Variants in POLE observed in about 807,000 individuals in gnomAD.
POLE encodes DNA polymerase epsilon catalytic subunit A.
POLE carries 188 observed loss-of-function variants against 279.2 expected under a neutral mutation model. The ratio of observed to expected loss-of-function variants is 0.67; its 90% confidence interval spans 0.60 to 0.76. The LOEUF (loss-of-function observed/expected upper bound fraction) is 0.76, where lower values mean the gene tolerates loss of function less well. POLE is among the 30% of genes least tolerant of loss of function. POLE has a pLI of 0.00. For missense variants in POLE, 2,703 were observed against 3,016.7 expected, an observed-to-expected ratio of 0.90 and a Z score of 2.44; for synonymous variants, 1,214 against 1,172.5, an observed-to-expected ratio of 1.04 and a Z score of -0.72.
chr12:132,664,642 T>G lies in POLE; in HGVS notation c.2469-180A>C, dbSNP rs1206058394. 1.3e-5 allele frequency among the ~76,000 whole-genome samples: 2 copies of G among 152,200 alleles called. No individual in the cohort carries two copies. On this transcript the variant is annotated intron_variant, in intron 21 of 48. Transcript: ENST00000320574. The surrounding 1 kb of genome is among the most constrained non-coding windows in gnomAD (Gnocchi z 5.3). ...CTGGCTCTGCCCGAGGACACCTCTC[T>G]GTCCCCACCTTGGTGCCCAGGAAGG...
chr12:132,686,839 C>A (rs1234399111), intron 1 of POLE, among the ~76,000 whole-genome samples: 2 of 151,592 alleles, frequency 1.3e-5, no homozygotes, highest in African/African-American at 2.4e-5. Context: ...TCCCCCAGCG[C>A]TAGGCCCCCA....
Position 132,661,692 on chromosome 12 carries a change from A to G in POLE, c.2707-8T>C. ...GTCATTGGTGAAGCCTTCCTGAGAA[A>G]CAAGAGTGAAGAGGGGGCAGCTTCA... On this transcript the variant is annotated splice_region_variant and splice_polypyrimidine_tract_variant and intron_variant, in intron 23 of 48. Transcript: ENST00000320574. This position sits in a 1 kb window ranked among gnomAD's most constrained non-coding sequence, Gnocchi z 4.1. 6.2e-7 allele frequency: 1 copy of G among 1,613,624 alleles called. No individual in the cohort carries two copies. Among genetic ancestry groups the G allele is most frequent in the Non-Finnish European group, 8.5e-7 (1 of 1,179,784 alleles).
intron 9 of POLE, 37 bp from the exon 10 acceptor site, chr12:132,676,241 G>A: frequency 1.4e-6 from 2 of 1,438,918 alleles, no homozygotes; most frequent in Non-Finnish European, 2.0e-6. Flanking sequence ...CAAGTCAGAG[G>A]CTGCAAAGCC....
In POLE at chr12:132,659,471, G is replaced by A. The variant is rs1593772777; in HGVS notation, c.3099C>T (p.Ile1033=). 3 of 1,614,204 alleles carry A rather than the reference G, an allele frequency of 1.9e-6. No homozygotes were observed. Among genetic ancestry groups the A allele is most frequent in the Non-Finnish European group, 2.5e-6 (3 of 1,180,054 alleles). ...NMPDSELFEL[I]SENRSMSRKL... ...TCCGAGACATGGAACGGTTCTCAGA[G>A]ATGAGCTCGAATAGCTCAGAGTCAG... Residue 1033 remains isoleucine (I), a synonymous_variant, in exon 26 of 49, where the codon ATC becomes ATT. Transcript: ENST00000320574.
rs759376994 is a variant in POLE at position 132,642,737 on chromosome 12, A to G, written c.4729-8T>C. On this transcript the variant is annotated splice_polypyrimidine_tract_variant and splice_region_variant and intron_variant, in intron 36 of 48. Coordinates refer to ENST00000320574, the MANE Select transcript of POLE (RefSeq NM_006231.4). ...GGGCCCCCGGCGCTCCTCCTGGGTCAAGGCAAAATGGAAGAAAAGACCTGG... is the reference window on the plus strand; with the variant it reads ...GGGCCCCCGGCGCTCCTCCTGGGTCGAGGCAAAATGGAAGAAAAGACCTGG... 1 of 1,613,288 alleles carries G rather than the reference A, an allele frequency of 6.2e-7. No homozygotes were observed. Among genetic ancestry groups the G allele is most frequent in the Non-Finnish European group, 8.5e-7 (1 of 1,179,746 alleles).
chr12:132,687,133 C>A (rs2043292323), intron 1 of POLE, 121 bp downstream of exon 1: 2 of 517,894 alleles, frequency 3.9e-6, no homozygotes, highest in African/African-American at 2.0e-5. Context: ...CAGTCAGGCG[C>A]GGCGAGTGCG....
chr12:132,680,704 C>G lies in POLE; in HGVS notation c.205-17G>C. The G allele has an allele frequency of 1.9e-6, 3 of 1,594,254 alleles. No individual in the cohort carries two copies. The highest frequency in any genetic ancestry group is 2.2e-5 in the South Asian group (2 of 90,640). The stretch of plus-strand genomic sequence containing the variant: ...AATCTCGGTCTACAAGAGAATCAGT[C>G]AACACAGACACAAGACCATCCTCTA... On this transcript the variant is annotated splice_polypyrimidine_tract_variant and intron_variant, in intron 2 of 48. Coordinates refer to ENST00000320574, the MANE Select transcript of POLE (RefSeq NM_006231.4).
chr12:132,671,099 C>T (rs1347675101), intron 16 of POLE, among the ~76,000 whole-genome samples: 1 of 151,148 alleles, frequency 6.6e-6, no homozygotes, highest in African/African-American at 2.4e-5. Context: ...CTCATCTCTA[C>T]TAAAAATACA....
rs1434080143 is a variant in POLE at position 132,639,080 on chromosome 12, C to G, written c.5552+45G>C. 6.3e-7 allele frequency: 1 copy of G among 1,576,474 alleles called. No homozygotes were observed. The highest frequency in any genetic ancestry group is 1.3e-5 in the African/African-American group (1 of 74,272). ...TGGTTCTGGGGAGTAAGGGACCAGC[C>G]CAGCTGAGGACGCGGTGGACAGCCC... On this transcript the variant is annotated intron_variant, in intron 40 of 48. Coordinates refer to ENST00000320574, the MANE Select transcript of POLE (RefSeq NM_006231.4). This position sits in a 1 kb window ranked among gnomAD's most constrained non-coding sequence, Gnocchi z 4.7.
chr12:132,677,284 A>C, intron 8 of POLE, 79 bp downstream of exon 8: 1 of 980,932 alleles, frequency 1.0e-6, no homozygotes, highest in South Asian at 1.3e-5. Flanking sequence ...TTTGAGTCAG[A>C]TTCACTCTCC....
intron 39 of POLE, 172 bp downstream of exon 39, chr12:132,641,475 C>T: frequency 1.6e-6 from 1 of 625,846 alleles, no homozygotes; most frequent in African/African-American, 1.8e-5. Context: ...GCCGGACCCC[C>T]ACAGTGGTAA....
In POLE at chr12:132,624,656, G is replaced by A; in HGVS notation, c.*41C>T. The A allele has an allele frequency of 8.9e-7, 1 of 1,125,650 alleles. No individual in the cohort carries two copies. Among genetic ancestry groups the A allele is most frequent in the Non-Finnish European group, 1.4e-6 (1 of 735,532 alleles). The allele number at this position is 1,125,650 out of a possible 1,614,324, so 69.7% of individuals were successfully genotyped here. ...CGGGGATGTGGCCTTGGCATCAGGA[G>A]GCCTGGCACGGACGCAGAGGCACCC... On this transcript the variant is annotated 3_prime_UTR_variant, in exon 49 of 49. Transcript: ENST00000320574.
chr12:132,670,741 G>A (rs985048272), intron 16 of POLE, among the ~76,000 whole-genome samples: 6 of 151,858 alleles, frequency 4.0e-5, no homozygotes, highest in East Asian at 3.9e-4. Context: ...GATCCACCTC[G>A]GCCTCCCAAA....
In POLE at chr12:132,625,057, T is replaced by G. The variant is rs540578096; in HGVS notation, c.6658-63A>C. Reference sequence around the variant, plus strand: ...GCGCTGGCCAGACCTGCCTGCTGCTTCTTCACAGGCTCGCGAGACACATTC... The same window carrying G: ...GCGCTGGCCAGACCTGCCTGCTGCTGCTTCACAGGCTCGCGAGACACATTC... On this transcript the variant is annotated intron_variant, in intron 47 of 48. Coordinates refer to ENST00000320574, the MANE Select transcript of POLE (RefSeq NM_006231.4). 10 of 1,228,500 alleles carry G rather than the reference T, an allele frequency of 8.1e-6. No individual in the cohort carries two copies. The South Asian group carries it at 9.8e-5, about 12-fold the overall frequency. 76.1% of individuals were successfully genotyped at this position (1,228,500 alleles called of 1,614,324 possible).
rs1593084934 is a variant in POLE, at chr12:132,679,509, G to C, written c.566C>G (p.Ala189Gly). 2 of 1,611,342 alleles carry C rather than the reference G, an allele frequency of 1.2e-6. No homozygotes were observed. The highest frequency in any genetic ancestry group is 8.5e-7 in the Non-Finnish European group (1 of 1,177,746). ...GACCAAAGTTTACCTGGAAAGCAGA[G>C]CTGTGTACGCGTCGCTGGCGTGATC... ...EQDHASDAYT[A>G]LLSSVLQRGG... The change falls in exon 6 of 49, where the codon GCT (alanine) becomes GGT (glycine). Residue 189 changes from alanine to glycine, a missense_variant. By Grantham distance (60) the Ala-to-Gly change is moderately conservative. Around this residue, in one of 5 missense-constraint regions of POLE, gnomAD observed 1,011 missense variants for 1,111.7 expected, o/e 0.91. Coordinates refer to ENST00000320574, the MANE Select transcript of POLE (RefSeq NM_006231.4).
At chr12:132,680,568 A>C (rs776012002) in intron 3 of POLE, 39 bp downstream of exon 3, 3 of 1,508,732 alleles carry the variant, frequency 2.0e-6, no homozygotes, top group Admixed American at 1.7e-5. Context: ...ATGAACACCC[A>C]TAAAAGTGGG....
At position 132,632,497 on chromosome 12, in the gene POLE, A is replaced by G. The variant is rs1593708231; in HGVS notation, c.6148T>C (p.Phe2050Leu). The change falls in exon 45 of 49, where the codon TTC (phenylalanine) becomes CTC (leucine). Residue 2050 changes from phenylalanine (F) to leucine (L), a missense_variant. Physicochemically the swap from Phe to Leu is conservative, Grantham distance 22. This residue lies in a region of POLE where 1,551 missense variants were observed against 1,686.1 expected (regional missense o/e 0.92). Coordinates refer to ENST00000320574, the MANE Select transcript of POLE (RefSeq NM_006231.4). Reference sequence around the variant, plus strand: ...TCATTTGCGACATAATCCTGAGAGAAGGTGATCATTCCTGGAAGTATAAGG... The same window carrying G: ...TCATTTGCGACATAATCCTGAGAGAGGGTGATCATTCCTGGAAGTATAAGG... Reference protein sequence around the residue: ...AVGALPGMITFSQDYVANELT... With the variant: ...AVGALPGMITLSQDYVANELT... 1.9e-6 allele frequency: 3 copies of G among 1,614,074 alleles called. No individual in the cohort carries two copies. Among genetic ancestry groups the G allele is most frequent in the Non-Finnish European group, 1.7e-6 (2 of 1,179,910 alleles).
intron 34 of POLE, 23 bp from the exon 35 acceptor site, chr12:132,643,353 C>G (rs2138548348): frequency 6.2e-7 from 1 of 1,614,168 alleles, no homozygotes; most frequent in East Asian, 2.2e-5. Context: ...ACAAGACCGT[C>G]ACCCCAGATG....
intron 45 of POLE, among the ~76,000 whole-genome samples, chr12:132,626,803 G>C (rs953579442): frequency 1.3e-5 from 2 of 152,222 alleles, no homozygotes; most frequent in African/African-American, 4.8e-5. Flanking sequence ...TGATTCGATA[G>C]AAAAAGAATA....
Sources: gnomAD v4.1 joint callset for allele counts (sites outside exome capture counted in the v4.1 genomes callset) on GRCh38, gnomAD v4.1.1 for gene constraint, gnomAD v4.1.1 regional missense constraint, Gnocchi (gnomAD v3.1) non-coding constraint, MANE v1.5 for transcripts, NCBI Gene and HGNC (gene_info 2026-07-23, HGNC 2026-07-21) for gene names.